Variants in SHISA9 observed in about 807,000 individuals in gnomAD.
SHISA9 encodes the protein shisa family member 9.
SHISA9 carries 13 observed loss-of-function variants against 38.0 expected under a neutral mutation model. The ratio of observed to expected loss-of-function variants is 0.34; its 90% CI spans 0.22 to 0.54. SHISA9 has a LOEUF of 0.54. Ranked by LOEUF, SHISA9 falls within the 20% of genes least tolerant of loss-of-function variation. The probability of loss-of-function intolerance (pLI) is 0.91; values close to 1 mark genes in which losing one functional copy is unlikely to be tolerated. For synonymous variants in SHISA9, 275 were observed against 242.0 expected, an observed-to-expected ratio of 1.14 and a Z score of -1.27; for missense variants, 538 against 575.8, an observed-to-expected ratio of 0.93 and a Z score of 0.67.
chr16:13,476,952 T>G, the SHISA9 span, among the ~76,000 whole-genome samples: 3 of 152,130 alleles, frequency 2.0e-5, no homozygotes, highest in Middle Eastern at 3.4e-3. Context: ...GGTTTCACTG[T>G]GTCCAGGATG....
chr16:13,059,395 G>C (rs2073348591), intron 2 of SHISA9, among the ~76,000 whole-genome samples: 1 of 152,050 alleles, frequency 6.6e-6, no homozygotes, highest in Non-Finnish European at 1.5e-5. Flanking sequence ...CCAAAGTGCT[G>C]GGATTACAGG....
At chr16:13,119,143 A>T (rs1176197621) in intron 2 of SHISA9, among the ~76,000 whole-genome samples, 1 of 152,180 alleles carries the variant, frequency 6.6e-6, no homozygotes, top group Admixed American at 6.5e-5. Context: ...GCGGGATTAC[A>T]GGCGTGAGCC....
At chr16:13,346,769 A>AT in the SHISA9 span, among the ~76,000 whole-genome samples, 4 of 152,194 alleles carry the variant, frequency 2.6e-5, no homozygotes, top group East Asian at 7.7e-4. Flanking sequence ...TTCCCCTACC[A>AT]TACCGTATAC....
intron 2 of SHISA9, among the ~76,000 whole-genome samples, chr16:13,152,305 C>G (rs1292836536): frequency 6.6e-6 from 1 of 152,064 alleles, no homozygotes; most frequent in Admixed American, 6.5e-5. Flanking sequence ...ATGTGTCTGC[C>G]TATCTTTAGG....
rs530960943 is a variant in SHISA9, at chr16:12,927,767, C to G, written c.691+10952C>G. On this transcript the variant is annotated intron_variant, in intron 2 of 4. Coordinates refer to ENST00000558583, the MANE Select transcript of SHISA9 (RefSeq NM_001145204.3). ...ACAAAAGGACATGGGCTCCCACCCCCCATAGATCTGTCCCCGGTGCTGAAC... is the reference window on the plus strand; with the variant it reads ...ACAAAAGGACATGGGCTCCCACCCCGCATAGATCTGTCCCCGGTGCTGAAC... Among the ~76,000 whole-genome samples the G allele has an allele frequency of 1.2e-3, 176 of 152,140 alleles. 1 individual carries two copies. The highest frequency in any genetic ancestry group is 2.1e-3 in the Non-Finnish European group (143 of 68,022).
chr16:12,997,431 C>T (rs766560360), intron 2 of SHISA9, among the ~76,000 whole-genome samples: 13 of 138,790 alleles, frequency 9.4e-5, no homozygotes, highest in Non-Finnish European at 1.5e-4. Flanking sequence ...TTTTTTTAGA[C>T]AGTCTCGCTC....
chr16:13,332,489 C>T, the SHISA9 span: 1 of 152,184 alleles, frequency 6.6e-6, no homozygotes, highest in Non-Finnish European at 1.5e-5. Flanking sequence ...GACTCAATAA[C>T]TCTAATTGGC....
At chr16:13,116,301 C>T (rs1461791811) in intron 2 of SHISA9, among the ~76,000 whole-genome samples, 2 of 152,108 alleles carry the variant, frequency 1.3e-5, no homozygotes, top group East Asian at 3.9e-4. Flanking sequence ...GATGTCAGTG[C>T]CCCAGGTTCT....
the SHISA9 span, among the ~76,000 whole-genome samples, chr16:13,490,368 G>A: frequency 1.3e-5 from 2 of 152,082 alleles, no homozygotes; most frequent in Non-Finnish European, 2.9e-5. Context: ...GGGTGACATG[G>A]ACAGACCCTA....
the SHISA9 span, among the ~76,000 whole-genome samples, chr16:13,512,515 A>C: frequency 2.6e-5 from 4 of 152,198 alleles, no homozygotes; most frequent in East Asian, 7.7e-4. Flanking sequence ...TTTAAATTTC[A>C]TATGGAACCA....
intron 2 of SHISA9, among the ~76,000 whole-genome samples, chr16:13,083,330 G>A (rs1164489355): frequency 1.3e-5 from 2 of 152,194 alleles, no homozygotes; most frequent in East Asian, 1.9e-4. Flanking sequence ...TCATAGAAGT[G>A]CATCATTGTG....
Position 13,238,356 on chromosome 16 carries a change from A to C in SHISA9, c.*2947A>C, listed in dbSNP as rs902140457. 1 of 152,214 alleles carries C rather than the reference A, an allele frequency of 6.6e-6. No individual in the cohort carries two copies. The highest frequency in any genetic ancestry group is 2.4e-5 in the African/African-American group (1 of 41,460). 9.4% of individuals were successfully genotyped at this position (152,214 alleles called of 1,614,324 possible). On this transcript the variant is annotated 3_prime_UTR_variant, in exon 5 of 5. Transcript: ENST00000558583. ...TAGGGGTGCATAGCCCACACTTCAG[A>C]AAACCCTGGGTTGACTTATCTGTGA...
rs57209057 is a variant in SHISA9 at position 13,105,067 on chromosome 16, G to A, written c.692-98327G>A. Reference sequence around the variant, plus strand: ...GGTTAAAGCTTGAGAAGTGTTTAACGTCAAGGAAATATAATAATAAACAAT... The same window carrying A: ...GGTTAAAGCTTGAGAAGTGTTTAACATCAAGGAAATATAATAATAAACAAT... On this transcript the variant is annotated intron_variant, in intron 2 of 4. Transcript: ENST00000558583. Among the ~76,000 whole-genome samples the A allele has an allele frequency of 7.6e-3, 1,149 of 152,102 alleles. 16 individuals carry two copies. The highest frequency in any genetic ancestry group is 0.026 in the African/African-American group (1,087 of 41,506).
the SHISA9 span, among the ~76,000 whole-genome samples, chr16:13,398,776 T>C: frequency 6.6e-6 from 1 of 152,072 alleles, no homozygotes; most frequent in Non-Finnish European, 1.5e-5. Context: ...CCTCCCAAAA[T>C]GCTAGGATTA....
intron 2 of SHISA9, among the ~76,000 whole-genome samples, chr16:13,137,129 C>G (rs1390086983): frequency 6.6e-6 from 1 of 152,178 alleles, no homozygotes; most frequent in African/African-American, 2.4e-5. Flanking sequence ...TGTGAGAAGT[C>G]AAGTCCAGTT....
At chr16:13,292,489 T>C in the SHISA9 span, among the ~76,000 whole-genome samples, 1 of 152,284 alleles carries the variant, frequency 6.6e-6, no homozygotes, top group South Asian at 2.1e-4. Context: ...TGACAGATTT[T>C]CTAAGCATTT....
At chr16:13,181,933 T>C (rs910931036) in intron 2 of SHISA9, among the ~76,000 whole-genome samples, 1 of 152,110 alleles carries the variant, frequency 6.6e-6, no homozygotes, top group Non-Finnish European at 1.5e-5. Flanking sequence ...TAGGTGGAAA[T>C]TCAACAAAGG....
intron 2 of SHISA9, among the ~76,000 whole-genome samples, chr16:13,086,259 G>T (rs1460107016): frequency 6.7e-6 from 1 of 150,270 alleles, no homozygotes; most frequent in East Asian, 2.0e-4. Flanking sequence ...GGAGGCTGAG[G>T]CAGGAGAATT....
the SHISA9 span, among the ~76,000 whole-genome samples, chr16:13,386,333 G>A: frequency 1.3e-5 from 2 of 152,156 alleles, no homozygotes; most frequent in African/African-American, 2.4e-5. Flanking sequence ...GTAGTCATAG[G>A]ATCTCCTCCA....
Sources: gnomAD v4.1 joint callset for allele counts (sites outside exome capture counted in the v4.1 genomes callset) on GRCh38, gnomAD v4.1.1 for gene constraint, MANE v1.5 for transcripts, NCBI Gene and HGNC (gene_info 2026-07-23, HGNC 2026-07-21) for gene names.